The following PTPRD variants were observed in gnomAD, a reference collection of about 807,000 sequenced individuals.
The protein encoded by PTPRD is receptor-type tyrosine-protein phosphatase delta.
Under a neutral mutation model 214.5 loss-of-function variants are expected in PTPRD, and 34 were observed. The observed-to-expected ratio is 0.16, with a 90% CI of 0.12 to 0.21. The LOEUF is 0.21. PTPRD is among the 10% of genes least tolerant of loss of function. The probability of loss-of-function intolerance (pLI) is 1.00; values close to 1 mark genes in which losing one functional copy is unlikely to be tolerated. For synonymous variants in PTPRD, 1,128 were observed against 845.7 expected, an observed-to-expected ratio of 1.33 and a Z score of -5.79; for missense variants, 2,545 against 2,398.7, an observed-to-expected ratio of 1.06 and a Z score of -1.27.
At chr9:10,012,438 T>A (rs959883066) in intron 4 of PTPRD, among the ~76,000 whole-genome samples, 2 of 151,954 alleles carry the variant, frequency 1.3e-5, no homozygotes, top group African/African-American at 2.4e-5. Context: ...GTAAGATGAT[T>A]TTTTAAAGTT....
Position 8,376,687 on chromosome 9 carries a change from T to C in PTPRD, c.4426A>G (p.Thr1476Ala). 6.2e-7 allele frequency: 1 copy of C among 1,613,014 alleles called. No individual in the cohort carries two copies. The highest frequency in any genetic ancestry group is 8.5e-7 in the Non-Finnish European group (1 of 1,179,340). ...AGCGTTACTTGAACGAGTCCGTGGG[T>C]TTCTGTGCCTCTGCTAGGCCAATAC... ...DQYWPSRGTE[T>A]HGLVQVTLLD... Residue 1476 changes from threonine to alanine, a missense_variant, in exon 38 of 46, where the codon ACC becomes GCC. By Grantham distance (58) the Thr-to-Ala change is moderately conservative (BLOSUM62 0). Transcript: ENST00000381196.
At chr9:8,937,359 AT>A (rs2154291214) in intron 11 of PTPRD, among the ~76,000 whole-genome samples, 1 of 152,278 alleles carries the variant, frequency 6.6e-6, no homozygotes, top group Admixed American at 6.5e-5. Flanking sequence ...ATAAAGCCAC[AT>A]TTTCAGAATC....
At chr9:9,825,374 C>CAGAGAGACAGAGAG (rs945097101) in intron 5 of PTPRD, among the ~76,000 whole-genome samples, 1 of 146,968 alleles carries the variant, frequency 6.8e-6, no homozygotes, top group Non-Finnish European at 1.5e-5. Context: ...GAGAGAGACA[C>CAGAGAGACAGAGAG]AGAGAGACAG....
At chr9:10,513,615 T>A (rs897901229) in intron 2 of PTPRD, among the ~76,000 whole-genome samples, 1 of 152,128 alleles carries the variant, frequency 6.6e-6, no homozygotes, top group Admixed American at 6.6e-5. Flanking sequence ...TCCTTTGAAG[T>A]TGGGCATGTC....
At chr9:8,474,811 A>G (rs1486501355) in intron 30 of PTPRD, among the ~76,000 whole-genome samples, 1 of 152,206 alleles carries the variant, frequency 6.6e-6, no homozygotes, top group African/African-American at 2.4e-5. Flanking sequence ...CTAGATCTGT[A>G]AACAAACCAC....
At chr9:10,438,801 A>T (rs1360957795) in intron 2 of PTPRD, among the ~76,000 whole-genome samples, 4 of 151,726 alleles carry the variant, frequency 2.6e-5, no homozygotes, top group African/African-American at 9.7e-5. Flanking sequence ...TCAGATTTTC[A>T]TCATCTGTGG....
At chr9:10,119,580 G>C (rs2098758407) in intron 3 of PTPRD, among the ~76,000 whole-genome samples, 1 of 151,934 alleles carries the variant, frequency 6.6e-6, no homozygotes, top group Admixed American at 6.6e-5. Flanking sequence ...ACGTGTCAAA[G>C]ATTTTATTCA....
rs138956951 is a variant in PTPRD at position 9,972,803 on chromosome 9, C to T, written c.-471-34193G>A. Among the ~76,000 whole-genome samples, 273 of 152,224 alleles carry T rather than the reference C, an allele frequency of 1.8e-3. 1 individual carries two copies. Among genetic ancestry groups the T allele is most frequent in the African/African-American group, 6.3e-3 (261 of 41,530 alleles). The stretch of plus-strand genomic sequence containing the variant: ...ATCATTACTAGCTTTTGCTTCCTTT[C>T]TCATATCTCCTACTACTAACTCTGA... On this transcript the variant is annotated intron_variant, in intron 4 of 45. Coordinates refer to ENST00000381196, the MANE Select transcript of PTPRD (RefSeq NM_002839.4).
intron 4 of PTPRD, among the ~76,000 whole-genome samples, chr9:9,982,521 T>A (rs2095579351): frequency 6.6e-6 from 1 of 151,206 alleles, no homozygotes; most frequent in Non-Finnish European, 1.5e-5. Context: ...TGTGTTGGCA[T>A]AAACTAATTG....
At chr9:9,773,186 C>T (rs1230082921) in intron 5 of PTPRD, among the ~76,000 whole-genome samples, 4 of 152,210 alleles carry the variant, frequency 2.6e-5, no homozygotes, top group African/African-American at 9.6e-5. Context: ...CAAGAATTCC[C>T]TTTAATGTAA....
At chr9:9,816,779 G>T (rs569415971) in intron 5 of PTPRD, among the ~76,000 whole-genome samples, 1 of 151,930 alleles carries the variant, frequency 6.6e-6, no homozygotes, top group Non-Finnish European at 1.5e-5. Context: ...CATTCCTTTA[G>T]TAATAGATAG....
intron 5 of PTPRD, chr9:9,803,630 G>A (rs1232270081): frequency 6.6e-6 from 1 of 151,858 alleles, no homozygotes; most frequent in East Asian, 1.9e-4. Flanking sequence ...TTGATGTCTA[G>A]GATCTCTGCC....
In PTPRD at chr9:8,612,112, G is replaced by GAAAAC. The variant is rs572591510; in HGVS notation, c.352+21200_352+21204dup. Among the ~76,000 whole-genome samples, 818 of 151,358 alleles carry GAAAAC rather than the reference G, an allele frequency of 5.4e-3. 4 individuals are homozygous for GAAAAC. Among genetic ancestry groups the GAAAAC allele is most frequent in the African/African-American group, 0.013 (553 of 41,204 alleles). On this transcript the variant is annotated intron_variant, in intron 14 of 45. Coordinates refer to ENST00000381196, the MANE Select transcript of PTPRD (RefSeq NM_002839.4). ...ATATCAAGACCTTGTGAAAAGAAAA[G>GAAAAC]AAAACAAAACAAAACAAAACAAAAC...
At chr9:10,243,539 C>A (rs1166595144) in intron 3 of PTPRD, among the ~76,000 whole-genome samples, 1 of 151,956 alleles carries the variant, frequency 6.6e-6, no homozygotes, top group Non-Finnish European at 1.5e-5. Flanking sequence ...TAACTGATTT[C>A]CAATCAACAT....
chr9:8,744,301 T>G (rs973765992), intron 11 of PTPRD, among the ~76,000 whole-genome samples: 9 of 152,150 alleles, frequency 5.9e-5, no homozygotes, highest in African/African-American at 1.4e-4. Flanking sequence ...CTACTAAGTA[T>G]CTACCTAGAA....
At chr9:8,918,444 T>TA (rs911751759) in intron 11 of PTPRD, among the ~76,000 whole-genome samples, 2 of 151,946 alleles carry the variant, frequency 1.3e-5, no homozygotes, top group Non-Finnish European at 2.9e-5. Flanking sequence ...TTTTTAGCAG[T>TA]AAAAAAAATT....
intron 9 of PTPRD, among the ~76,000 whole-genome samples, chr9:9,380,810 T>G (rs1316053519): frequency 6.6e-6 from 1 of 152,158 alleles, no homozygotes; most frequent in Non-Finnish European, 1.5e-5. Flanking sequence ...ATTCTTCCAT[T>G]TCTCCTTATA....
intron 11 of PTPRD, among the ~76,000 whole-genome samples, chr9:8,782,876 C>G (rs572953593): frequency 8.5e-5 from 13 of 152,136 alleles, no homozygotes; most frequent in Admixed American, 2.0e-4. Flanking sequence ...GATTACAGGC[C>G]TGAGCCACCA....
At chr9:8,791,186 G>A (rs1466423208) in intron 11 of PTPRD, among the ~76,000 whole-genome samples, 2 of 152,082 alleles carry the variant, frequency 1.3e-5, no homozygotes, top group Non-Finnish European at 2.9e-5. Flanking sequence ...AAAGGATGTA[G>A]AAAGAATACA....
Sources: allele counts gnomAD v4.1 joint callset (sites outside exome capture counted in the v4.1 genomes callset), GRCh38; gene constraint gnomAD v4.1.1; transcripts MANE v1.5; gene names NCBI Gene and HGNC (gene_info 2026-07-23, HGNC 2026-07-21).